ARB2A: variants seen among roughly 807,000 people sequenced by gnomAD.
ARB2A encodes cotranscriptional regulator ARB2A.
the ARB2A span, among the ~76,000 whole-genome samples, chr5:93,975,609 T>C: frequency 2.3e-4 from 35 of 152,142 alleles, 1 homozygote; most frequent in South Asian, 6.6e-3. Flanking sequence ...GACATCACAA[T>C]TGATCCCAGA....
At chr5:93,840,697 T>G in the ARB2A span, among the ~76,000 whole-genome samples, 11 of 152,152 alleles carry the variant, frequency 7.2e-5, no homozygotes, top group Non-Finnish European at 4.4e-5. Flanking sequence ...GCTACATGCT[T>G]TCTCTCATTT....
chr5:93,977,975 C>T, the ARB2A span, among the ~76,000 whole-genome samples: 1 of 151,966 alleles, frequency 6.6e-6, no homozygotes, highest in African/African-American at 2.4e-5. Flanking sequence ...TTGAACAGTT[C>T]TCAAAAGAGA....
chr5:94,074,761 G>T, the ARB2A span: 1 of 1,599,852 alleles, frequency 6.3e-7, no homozygotes, highest in Non-Finnish European at 8.6e-7. Context: ...TCAATCTTCA[G>T]AAGACAGTCT....
the ARB2A span, among the ~76,000 whole-genome samples, chr5:94,046,611 T>C: frequency 5.7e-4 from 86 of 152,150 alleles, no homozygotes; most frequent in Non-Finnish European, 1.1e-3. Flanking sequence ...CCTTGCTTGC[T>C]CCCTCCCCTA....
chr5:93,790,243 C>A, the ARB2A span, among the ~76,000 whole-genome samples: 2 of 152,142 alleles, frequency 1.3e-5, no homozygotes, highest in African/African-American at 4.8e-5. Flanking sequence ...AAGCAACTAG[C>A]AGAGGACATG....
At chr5:93,859,656 A>G in the ARB2A span, among the ~76,000 whole-genome samples, 138,400 of 152,242 alleles carry the variant, frequency 0.91, 63,310 homozygotes, top group East Asian at 1. Context: ...GCATACACAT[A>G]AATAGGCAAT....
the ARB2A span, among the ~76,000 whole-genome samples, chr5:93,922,085 C>G: frequency 1.3e-5 from 2 of 152,176 alleles, no homozygotes; most frequent in East Asian, 3.9e-4. Flanking sequence ...TAGAAGAGAA[C>G]CCTGATGAAA....
the ARB2A span, among the ~76,000 whole-genome samples, chr5:93,633,447 T>A: frequency 7.8e-3 from 1,192 of 152,320 alleles, 16 homozygotes; most frequent in African/African-American, 0.027. Context: ...TTAATTAGGC[T>A]TAAGGCCTTC....
chr5:93,650,993 G>GA, the ARB2A span, among the ~76,000 whole-genome samples: 7 of 151,552 alleles, frequency 4.6e-5, no homozygotes, highest in African/African-American at 1.7e-4. Context: ...TCATGTCTTA[G>GA]AAAAAACAAA....
At chr5:93,852,196 G>C in the ARB2A span, among the ~76,000 whole-genome samples, 2 of 152,120 alleles carry the variant, frequency 1.3e-5, no homozygotes, top group African/African-American at 4.8e-5. Flanking sequence ...GCATTTCTCT[G>C]ATGGCCAGTG....
At chr5:93,978,925 G>C in the ARB2A span, among the ~76,000 whole-genome samples, 1 of 152,032 alleles carries the variant, frequency 6.6e-6, no homozygotes, top group African/African-American at 2.4e-5. Context: ...TTAGGTGGAA[G>C]GTAAAAATTC....
At chr5:93,951,375 A>C in the ARB2A span, among the ~76,000 whole-genome samples, 3 of 152,074 alleles carry the variant, frequency 2.0e-5, no homozygotes, top group South Asian at 4.2e-4. Context: ...GCCTGCGCTT[A>C]TGGGGTATTA....
At chr5:93,757,007 A>T in the ARB2A span, among the ~76,000 whole-genome samples, 1 of 152,172 alleles carries the variant, frequency 6.6e-6, no homozygotes, top group Non-Finnish European at 1.5e-5. Flanking sequence ...AAATATTCAG[A>T]AAATAGACAG....
the ARB2A span, among the ~76,000 whole-genome samples, chr5:93,872,569 T>G: frequency 6.6e-6 from 1 of 152,188 alleles, no homozygotes; most frequent in Non-Finnish European, 1.5e-5. Flanking sequence ...GATTTCTATT[T>G]CTTCATTATT....
chr5:93,978,586 G>A, the ARB2A span, among the ~76,000 whole-genome samples: 1 of 152,014 alleles, frequency 6.6e-6, no homozygotes, highest in Non-Finnish European at 1.5e-5. Flanking sequence ...GCACAAAGAT[G>A]GGAACAATAA....
the ARB2A span, among the ~76,000 whole-genome samples, chr5:93,700,980 G>A: frequency 6.6e-6 from 1 of 152,036 alleles, no homozygotes; most frequent in African/African-American, 2.4e-5. Context: ...TGAAAATACG[G>A]CTCTCCTAAC....
the ARB2A span, among the ~76,000 whole-genome samples, chr5:93,666,787 G>T: frequency 6.6e-6 from 1 of 152,204 alleles, no homozygotes; most frequent in South Asian, 2.1e-4. Context: ...TTTAAGTTTG[G>T]CTCAAGGCTC....
At chr5:94,091,807 A>C in the ARB2A span, among the ~76,000 whole-genome samples, 1 of 152,212 alleles carries the variant, frequency 6.6e-6, no homozygotes. Flanking sequence ...ACTCTATGTA[A>C]CATTATAGAG....
At chr5:93,835,761 A>G in the ARB2A span, among the ~76,000 whole-genome samples, 1 of 152,166 alleles carries the variant, frequency 6.6e-6, no homozygotes, top group Non-Finnish European at 1.5e-5. Context: ...ACACTCTACC[A>G]GCTGCCCTTA....
Sources: allele counts gnomAD v4.1 joint callset (sites outside exome capture counted in the v4.1 genomes callset), GRCh38; gene constraint gnomAD v4.1.1; transcripts MANE v1.5; gene names NCBI Gene and HGNC (gene_info 2026-07-23, HGNC 2026-07-21).